DDX60: variants seen among roughly 807,000 people sequenced by gnomAD.
DDX60 encodes DExD/H-box helicase 60, also known as probable ATP-dependent RNA helicase DDX60.
Under a neutral mutation model 212.8 loss-of-function variants are expected in DDX60, and 165 were observed. The ratio of observed to expected loss-of-function variants is 0.78; its 90% CI spans 0.68 to 0.88. The LOEUF is 0.88. Among genes scored for constraint, DDX60 ranks in the 40% least tolerant of loss-of-function variants. The pLI, the probability that DDX60 is intolerant of heterozygous loss-of-function variation, is 0.00. For missense variants in DDX60, 1,905 were observed against 2,003.9 expected, an observed-to-expected ratio of 0.95 and a Z score of 0.94; for synonymous variants, 703 against 685.3, an observed-to-expected ratio of 1.03 and a Z score of -0.40.
chr4:168,265,893 AAGG>A (rs1734828678), intron 22 of DDX60, among the ~76,000 whole-genome samples: 1 of 133,966 alleles, frequency 7.5e-6, no homozygotes, highest in Non-Finnish European at 1.7e-5. Flanking sequence ...AAGGGAAGGG[AAGG>A]GAGAAAGAAA....
At chr4:168,310,453 C>T (rs575299827) in intron 3 of DDX60, among the ~76,000 whole-genome samples, 1 of 152,122 alleles carries the variant, frequency 6.6e-6, no homozygotes, top group South Asian at 2.1e-4. Context: ...ATACTAAGAC[C>T]AGAGAAACAA....
At chr4:168,267,228 T>C (rs1180252811) in intron 22 of DDX60, among the ~76,000 whole-genome samples, 1 of 152,126 alleles carries the variant, frequency 6.6e-6, no homozygotes, top group Non-Finnish European at 1.5e-5. Context: ...TACATATAAT[T>C]GTATGGCTGC....
chr4:168,246,502 T>A lies in DDX60; in HGVS notation c.4080A>T (p.Gly1360=). 6.2e-7 allele frequency: 1 copy of A among 1,614,034 alleles called. No individual in the cohort carries two copies. Among genetic ancestry groups the A allele is most frequent in the Non-Finnish European group, 8.5e-7 (1 of 1,179,984 alleles). Residue 1360 remains glycine (G), a synonymous_variant, in exon 30 of 38, where the codon GGA becomes GGT. Coordinates refer to ENST00000393743, the MANE Select transcript of DDX60 (RefSeq NM_017631.6). ...CCAGGGTTATGCTGAGAGGGAAGTG[T>A]CCTCTCAGCTCAGGAACATTGGATT... ...LIKSNVPELR[G]HFPLSITLVL...
chr4:168,268,993 C>A lies in DDX60; in HGVS notation c.2671-24G>T, dbSNP rs1465764597. ...ACCTATTAAACAAAAAAAAAAAAATCTCAACTGAAAAGTTGATTTAAAAAT... is the reference window on the plus strand; with the variant it reads ...ACCTATTAAACAAAAAAAAAAAAATATCAACTGAAAAGTTGATTTAAAAAT... On this transcript the variant is annotated intron_variant, in intron 19 of 37. Transcript: ENST00000393743. 5.8e-6 allele frequency: 7 copies of A among 1,209,084 alleles called. No individual in the cohort carries two copies. The African/African-American group carries it at 6.2e-5, about 11-fold the overall frequency. 74.9% of individuals were successfully genotyped at this position (1,209,084 alleles called of 1,614,324 possible).
chr4:168,268,098 A>C (rs1734930859), intron 20 of DDX60, 115 bp from the exon 21 acceptor site: 2 of 819,486 alleles, frequency 2.4e-6, no homozygotes, highest in South Asian at 4.8e-5. Flanking sequence ...TTAGGGGAAT[A>C]GACTCAGAAG....
chr4:168,242,779 TG>T (rs1367081808), intron 30 of DDX60, among the ~76,000 whole-genome samples: 19 of 152,132 alleles, frequency 1.2e-4, no homozygotes, highest in African/African-American at 4.3e-4. Context: ...TCTGGGAGAC[TG>T]TTAGAAAGGC....
In DDX60 at chr4:168,311,051, T is replaced by A; in HGVS notation, c.21A>T (p.Thr7=). 1 of 1,578,584 alleles carries A rather than the reference T, an allele frequency of 6.3e-7. No homozygotes were observed. Among genetic ancestry groups the A allele is most frequent in the Non-Finnish European group, 8.7e-7 (1 of 1,152,304 alleles). ...ACTGGGACATTTCCTGTGAAAATGT[T>A]GTAAGAACATTTCTTTCTAAATTTA... MERNVL[T]TFSQEMSQLI... The change falls in exon 3 of 38, where the codon ACA becomes ACT. Residue 7 remains threonine, a synonymous_variant. Transcript: ENST00000393743.
In DDX60 at chr4:168,235,706, T is replaced by C. The variant is rs1008655284; in HGVS notation, c.4533+546A>G. On this transcript the variant is annotated intron_variant, in intron 33 of 37. Transcript: ENST00000393743. ...AGTATAATAGTAATAGTATTTGATGTTGACTTGATGGTAGAGAATCATAAC... is the reference window on the plus strand; with the variant it reads ...AGTATAATAGTAATAGTATTTGATGCTGACTTGATGGTAGAGAATCATAAC... Among the ~76,000 whole-genome samples the C allele has an allele frequency of 3.3e-5, 5 of 152,246 alleles. No homozygotes were observed. In the East Asian group the frequency reaches 9.6e-4, roughly 29 times the overall value.
intron 22 of DDX60, among the ~76,000 whole-genome samples, chr4:168,266,876 C>T (rs923009898): frequency 2.0e-5 from 3 of 152,126 alleles, no homozygotes; most frequent in Non-Finnish European, 2.9e-5. Flanking sequence ...TATTTTACCT[C>T]CTTTAATCAT....
Position 168,267,675 on chromosome 4 carries a change from C to A in DDX60, c.2946G>T (p.Arg982Ser). Residue 982 changes from arginine to serine, a missense_variant, in exon 22 of 38, where the codon AGG becomes AGT. Physicochemically the swap from Arg to Ser is moderately radical, Grantham distance 110. Coordinates refer to ENST00000393743, the MANE Select transcript of DDX60 (RefSeq NM_017631.6). ...YKVRLVLYGE[R>S]YNDLEKHVCS... The stretch of plus-strand genomic sequence containing the variant: ...ATACATGCTTCTCTAGATCATTATA[C>A]CTCTCTCCATAGAGCACTAAAAATG... The A allele has an allele frequency of 6.3e-7, 1 of 1,597,020 alleles. No individual in the cohort carries two copies. The highest frequency in any genetic ancestry group is 8.5e-7 in the Non-Finnish European group (1 of 1,172,254).
chr4:168,273,463 C>A (rs895932416), intron 17 of DDX60, 65 bp from the exon 18 acceptor site: 1 of 1,591,832 alleles, frequency 6.3e-7, no homozygotes, highest in African/African-American at 1.3e-5. Context: ...CAGAGGACAA[C>A]AAGAACTGTC....
At chr4:168,235,597 T>C (rs1028654726) in intron 33 of DDX60, among the ~76,000 whole-genome samples, 2 of 152,252 alleles carry the variant, frequency 1.3e-5, no homozygotes, top group Admixed American at 6.6e-5. Flanking sequence ...AGAAAATATA[T>C]ACTAATTCTT....
chr4:168,313,075 T>C (rs566397035), intron 1 of DDX60, among the ~76,000 whole-genome samples: 1 of 152,138 alleles, frequency 6.6e-6, no homozygotes, highest in Non-Finnish European at 1.5e-5. Context: ...CCAGTGTAAG[T>C]TGAAAGATAA....
At chr4:168,289,995 G>C (rs187272683) in intron 8 of DDX60, among the ~76,000 whole-genome samples, 1 of 152,174 alleles carries the variant, frequency 6.6e-6, no homozygotes, top group South Asian at 2.1e-4. Flanking sequence ...TTCTGCAAAT[G>C]CAAGTGCCAC....
upstream of DDX60, among the ~76,000 whole-genome samples, chr4:168,319,949 C>T (rs928003881): frequency 1.3e-5 from 2 of 152,184 alleles, no homozygotes; most frequent in Non-Finnish European, 2.9e-5. Context: ...ACATTTCTCA[C>T]ATCCATCAGA....
chr4:168,235,986 T>C, intron 33 of DDX60: 1 of 346,974 alleles, frequency 2.9e-6, no homozygotes, highest in Non-Finnish European at 5.2e-6. Context: ...AGTCACCTGA[T>C]ATTATAATTT....
At chr4:168,272,996 G>A (rs1735169009) in intron 18 of DDX60, among the ~76,000 whole-genome samples, 1 of 152,060 alleles carries the variant, frequency 6.6e-6, no homozygotes. Flanking sequence ...CTATAACATA[G>A]CATTCTTCAG....
chr4:168,286,431 TAG>T (rs1735860351), intron 10 of DDX60, among the ~76,000 whole-genome samples: 1 of 55,542 alleles, frequency 1.8e-5, no homozygotes, highest in African/African-American at 1.2e-4. Context: ...ACGAGATAGA[TAG>T]ATAGATAGAT....
intron 10 of DDX60, among the ~76,000 whole-genome samples, chr4:168,286,105 G>GAGGAAGGAAGGAAAGAAGGA (rs1735835430): frequency 8.5e-6 from 1 of 117,988 alleles, no homozygotes; most frequent in African/African-American, 3.1e-5. Flanking sequence ...GGGAGGGAGG[G>GAGGAAGGAAGGAAAGAAGGA]AGGAAGGAAG....
Sources: gnomAD v4.1 joint callset for allele counts (sites outside exome capture counted in the v4.1 genomes callset) on GRCh38, gnomAD v4.1.1 for gene constraint, MANE v1.5 for transcripts, NCBI Gene and HGNC (gene_info 2026-07-23, HGNC 2026-07-21) for gene names.